SCCPDH: variants seen among roughly 807,000 people sequenced by gnomAD.
SCCPDH encodes saccharopine dehydrogenase (putative).
Under a neutral mutation model 51.5 loss-of-function variants are expected in SCCPDH, and 34 were observed. The observed-to-expected ratio is 0.66, with a 90% confidence interval of 0.50 to 0.88. The LOEUF (loss-of-function observed/expected upper bound fraction) is 0.88. Ranked by LOEUF, SCCPDH falls within the 40% of genes least tolerant of loss-of-function variation. The probability of loss-of-function intolerance (pLI) is 0.00; values close to 1 mark genes in which losing one functional copy is unlikely to be tolerated. For synonymous variants in SCCPDH, 187 were observed against 191.3 expected (o/e 0.98, Z 0.19); for missense variants, 464 against 527.1 (o/e 0.88, Z 1.17).
chr1:246,737,075 A>G (rs1342087079), intron 3 of SCCPDH, among the ~76,000 whole-genome samples: 2 of 152,206 alleles, frequency 1.3e-5, no homozygotes, highest in Admixed American at 1.3e-4. Flanking sequence ...AGCCTTTAAA[A>G]TGGTAACCTC....
chr1:246,744,133 T>G lies in SCCPDH; in HGVS notation c.564+8T>G. ...ATACATTCAGGACCTGAGGTTGGTT[T>G]TTTGGTTTGTCTTGTGTTGTTTCAA... On this transcript the variant is annotated splice_region_variant and intron_variant, in intron 5 of 11. Transcript: ENST00000366510. 1 of 1,574,774 alleles carries G rather than the reference T, an allele frequency of 6.4e-7. No homozygotes were observed. The highest frequency in any genetic ancestry group is 8.7e-7 in the Non-Finnish European group (1 of 1,147,242).
chr1:246,726,764 C>A, intron 1 of SCCPDH, 128 bp from the exon 2 acceptor site: 1 of 646,440 alleles, frequency 1.5e-6, no homozygotes, highest in Non-Finnish European at 2.7e-6. Flanking sequence ...TTTGTCTAAG[C>A]AGGAGAGCTA....
At chr1:246,741,263 AC>A (rs546723811) in intron 4 of SCCPDH, among the ~76,000 whole-genome samples, 160 of 152,266 alleles carry the variant, frequency 1.1e-3, no homozygotes, top group African/African-American at 3.7e-3. Flanking sequence ...CACACAAACT[AC>A]AAATCTTGCT....
chr1:246,764,661 A>T (rs1669063549), intron 10 of SCCPDH, among the ~76,000 whole-genome samples: 1 of 152,226 alleles, frequency 6.6e-6, no homozygotes, highest in Non-Finnish European at 1.5e-5. Flanking sequence ...TCTCATATGC[A>T]AGTAGTGTAA....
chr1:246,762,738 G>GGCTGAGGCAGGAGAATT (rs1336158055), intron 9 of SCCPDH, among the ~76,000 whole-genome samples: 22 of 151,764 alleles, frequency 1.4e-4, no homozygotes, highest in Admixed American at 3.3e-4. Context: ...CTACTCAGGA[G>GGCTGAGGCAGGAGAATT]GCTGAGGCAG....
chr1:246,748,120 A>G (rs1668789832), intron 5 of SCCPDH, among the ~76,000 whole-genome samples: 1 of 152,072 alleles, frequency 6.6e-6, no homozygotes, highest in Non-Finnish European at 1.5e-5. Flanking sequence ...TTTATCCTCT[A>G]AAAGAAAAAG....
chr1:246,729,492 A>C (rs963633882), intron 2 of SCCPDH, among the ~76,000 whole-genome samples: 4 of 152,218 alleles, frequency 2.6e-5, no homozygotes, highest in African/African-American at 9.6e-5. Flanking sequence ...CGCTTTCTGC[A>C]AGAAGAGAAA....
chr1:246,752,402 G>A (rs1194500696), intron 5 of SCCPDH, among the ~76,000 whole-genome samples: 1 of 152,132 alleles, frequency 6.6e-6, no homozygotes, highest in Non-Finnish European at 1.5e-5. Flanking sequence ...AGTCTGTTTG[G>A]CTATCTGATT....
At chr1:246,740,051 G>A in intron 3 of SCCPDH, 121 bp from the exon 4 acceptor site, 1 of 667,732 alleles carries the variant, frequency 1.5e-6, no homozygotes, top group East Asian at 2.8e-5. Flanking sequence ...ATGTTTTGCT[G>A]CAGAGCCACA....
At chr1:246,736,650 G>A (rs181464622) in intron 3 of SCCPDH, among the ~76,000 whole-genome samples, 23 of 151,964 alleles carry the variant, frequency 1.5e-4, no homozygotes, top group African/African-American at 4.6e-4. Flanking sequence ...GCAGTGAGCC[G>A]AGATCACTCC....
At chr1:246,729,722 AG>A in intron 2 of SCCPDH, among the ~76,000 whole-genome samples, 1 of 152,356 alleles carries the variant, frequency 6.6e-6, no homozygotes. Context: ...AAGAGATTAA[AG>A]ACAGGCATAG....
chr1:246,752,903 T>G (rs1208665873), intron 5 of SCCPDH, among the ~76,000 whole-genome samples: 1 of 152,224 alleles, frequency 6.6e-6, no homozygotes, highest in Non-Finnish European at 1.5e-5. Flanking sequence ...TCTTTTGAAG[T>G]GACCTATTTT....
intron 9 of SCCPDH, 123 bp from the exon 10 acceptor site, chr1:246,764,123 G>T: frequency 1.7e-6 from 1 of 580,202 alleles, no homozygotes. Flanking sequence ...GGATATTCTG[G>T]CAGATAAAAT....
intron 5 of SCCPDH, among the ~76,000 whole-genome samples, chr1:246,746,901 T>C (rs928763213): frequency 6.6e-6 from 1 of 152,202 alleles, no homozygotes; most frequent in African/African-American, 2.4e-5. Flanking sequence ...AGAGGCCTTA[T>C]TGAAATTGGC....
intron 4 of SCCPDH, among the ~76,000 whole-genome samples, chr1:246,742,513 C>T (rs1335060766): frequency 6.6e-6 from 1 of 152,198 alleles, no homozygotes. Context: ...GGTTAGATCA[C>T]AGAGCCGCAC....
intron 5 of SCCPDH, among the ~76,000 whole-genome samples, chr1:246,756,212 A>ATATTACACTCAGTAATATT (rs2102989291): frequency 6.6e-6 from 1 of 152,370 alleles, no homozygotes; most frequent in East Asian, 1.9e-4. Flanking sequence ...TAAGAAGCCA[A>ATATTACACTCAGTAATATT]ACACTCAGTA....
At chr1:246,733,629 G>A (rs909613505) in intron 2 of SCCPDH, among the ~76,000 whole-genome samples, 3 of 151,952 alleles carry the variant, frequency 2.0e-5, no homozygotes, top group Non-Finnish European at 2.9e-5. Flanking sequence ...ATTGAAGCAC[G>A]TGCTAGGAAG....
In SCCPDH at chr1:246,767,265, A is replaced by G; in HGVS notation, c.1255A>G (p.Ile419Val). The G allele has an allele frequency of 6.2e-7, 1 of 1,610,426 alleles. No homozygotes were observed. Among genetic ancestry groups the G allele is most frequent in the Non-Finnish European group, 8.5e-7 (1 of 1,177,818 alleles). ...GATTGACAGACTCAACAAACACGGT[A>G]TTGAGTTTAGTGTTATTAGCAGCTC... Reference protein sequence around the residue: ...KLIDRLNKHGIEFSVISSSEV With the variant: ...KLIDRLNKHGVEFSVISSSEV The change falls in exon 12 of 12, where the codon ATT (isoleucine) becomes GTT (valine). Residue 419 changes from isoleucine to valine, a missense_variant. Physicochemically the swap from Ile to Val is conservative, Grantham distance 29. Transcript: ENST00000366510.
intron 9 of SCCPDH, among the ~76,000 whole-genome samples, chr1:246,760,827 C>A (rs918557575): frequency 1.3e-5 from 2 of 152,198 alleles, no homozygotes; most frequent in African/African-American, 4.8e-5. Context: ...TCCCGTTTCC[C>A]CCTCTGTGGA....
Sources: allele counts gnomAD v4.1 joint callset (sites outside exome capture counted in the v4.1 genomes callset), GRCh38; gene constraint gnomAD v4.1.1; transcripts MANE v1.5; gene names NCBI Gene and HGNC (gene_info 2026-07-23, HGNC 2026-07-21).